Variants in RAPGEF1 observed in about 807,000 individuals in gnomAD.
The protein encoded by RAPGEF1 is CRK SH3-binding GNRP.
In RAPGEF1, 33 loss-of-function variants were observed where a neutral mutation model predicts 143.3. That is an observed-to-expected ratio of 0.23 (90% confidence interval 0.17 to 0.31). RAPGEF1 has a LOEUF of 0.31. Among genes scored for constraint, RAPGEF1 ranks in the 10% least tolerant of loss-of-function variants. The pLI is 1.00. For synonymous variants in RAPGEF1, 629 were observed against 676.5 expected, an observed-to-expected ratio of 0.93 and a Z score of 1.09; for missense variants, 1,199 against 1,645.4, an observed-to-expected ratio of 0.73 and a Z score of 4.69.
At chr9:131,647,964 T>C (rs1290757235) in intron 3 of RAPGEF1, among the ~76,000 whole-genome samples, 1 of 152,202 alleles carries the variant, frequency 6.6e-6, no homozygotes, top group African/African-American at 2.4e-5. Flanking sequence ...CTGCTTTGCC[T>C]TCCTATGGCA....
intron 1 of RAPGEF1, among the ~76,000 whole-genome samples, chr9:131,726,743 G>C (rs1836699551): frequency 6.6e-6 from 1 of 151,764 alleles, no homozygotes. Flanking sequence ...CCTGTATTCT[G>C]AATGTGGTAG....
chr9:131,697,581 C>A (rs909889497), intron 1 of RAPGEF1, among the ~76,000 whole-genome samples: 51 of 152,332 alleles, frequency 3.3e-4, no homozygotes, highest in African/African-American at 1.2e-3. Flanking sequence ...TGCAACAGAA[C>A]AGAACTGAGC....
chr9:131,592,311 G>A, intron 17 of RAPGEF1, 128 bp from the exon 18 acceptor site: 1 of 687,068 alleles, frequency 1.5e-6, no homozygotes, highest in South Asian at 1.8e-5. Flanking sequence ...GATGGGCGAG[G>A]GAGCCGAGGG....
chr9:131,739,701 G>T, intron 1 of RAPGEF1, 69 bp downstream of exon 1: 1 of 1,007,788 alleles, frequency 9.9e-7, no homozygotes, highest in South Asian at 4.4e-5. Flanking sequence ...ACCCGCGCTC[G>T]GCCCGGGGAG....
At chr9:131,670,614 C>T (rs1186247117) in intron 1 of RAPGEF1, among the ~76,000 whole-genome samples, 1 of 152,206 alleles carries the variant, frequency 6.6e-6, no homozygotes, top group Non-Finnish European at 1.5e-5. Context: ...CATCAAAGAC[C>T]TCCCGGCTGT....
chr9:131,592,021 G>A (rs377760500), intron 18 of RAPGEF1, 78 bp downstream of exon 18: 3 of 1,136,508 alleles, frequency 2.6e-6, no homozygotes, highest in African/African-American at 3.1e-5. Flanking sequence ...TCCCCCACGA[G>A]GACTGAAGGG....
At chr9:131,613,222 G>C (rs965894927) in intron 12 of RAPGEF1, among the ~76,000 whole-genome samples, 1 of 150,918 alleles carries the variant, frequency 6.6e-6, no homozygotes, top group African/African-American at 2.4e-5. Flanking sequence ...GGTGTGCTCA[G>C]GTTCATACAG....
chr9:131,605,465 A>G (rs535722314), intron 12 of RAPGEF1, among the ~76,000 whole-genome samples: 1 of 152,176 alleles, frequency 6.6e-6, no homozygotes, highest in African/African-American at 2.4e-5. Flanking sequence ...AAGTGGCCAC[A>G]TGCTCTGCTG....
At chr9:131,694,673 A>G (rs1332231230) in intron 1 of RAPGEF1, among the ~76,000 whole-genome samples, 3 of 151,568 alleles carry the variant, frequency 2.0e-5, no homozygotes, top group African/African-American at 7.3e-5. Context: ...CTGGACGCAG[A>G]TATCACCTTT....
rs1952338826 is a variant in RAPGEF1 at position 131,584,221 on chromosome 9, T to C, written c.3414+90A>G. ...GGCCTAGGCCCAGCATTTGCTCCAG[T>C]GGGAGCACTTTCTGCCACAGCTAGT... On this transcript the variant is annotated intron_variant, in intron 24 of 26. Coordinates refer to ENST00000683357, the MANE Select transcript of RAPGEF1 (RefSeq NM_001377935.1). This position sits in a 1 kb window ranked among gnomAD's most constrained non-coding sequence, Gnocchi z 6.8. The C allele has an allele frequency of 4.9e-6, 6 of 1,227,298 alleles. No individual in the cohort carries two copies. The highest frequency in any genetic ancestry group is 2.5e-5 in the East Asian group (1 of 39,420). 76.0% of individuals were successfully genotyped at this position (1,227,298 alleles called of 1,614,324 possible).
chr9:131,653,071 C>T (rs560118844), intron 1 of RAPGEF1, among the ~76,000 whole-genome samples: 2 of 152,308 alleles, frequency 1.3e-5, no homozygotes, highest in East Asian at 3.9e-4. Context: ...TGTCGTTATG[C>T]AGAGCATGAC....
At chr9:131,582,031 C>T (rs879401176) in intron 25 of RAPGEF1, among the ~76,000 whole-genome samples, 2 of 152,192 alleles carry the variant, frequency 1.3e-5, no homozygotes, top group Non-Finnish European at 2.9e-5. Context: ...TAAAGGCTCT[C>T]GTAAGTCCTG....
rs1403006159 is a variant in RAPGEF1 at position 131,739,771 on chromosome 9, T to G, written c.60A>C (p.Ala20=). ...SPEMSGKIEK[A]DSQRSHLSSF... ...AGCCGCCCCACGCCCGCGCCTCACC[T>G]GCTTTCTCGATCTTGCCGGACATTT... The change falls in exon 1 of 27, where the codon GCA becomes GCC. Residue 20 remains alanine (A), a splice_region_variant and synonymous_variant. Transcript: ENST00000683357. The G allele has an allele frequency of 1.2e-5, 14 of 1,172,804 alleles. No individual in the cohort carries two copies. The highest frequency in any genetic ancestry group is 1.5e-5 in the Non-Finnish European group (14 of 931,576). 72.6% of individuals were successfully genotyped at this position (1,172,804 alleles called of 1,614,324 possible). A position where few individuals can be genotyped will look rare whatever the true frequency, so the allele number is the denominator to read the frequency against.
rs192931236 is a variant in RAPGEF1, at chr9:131,589,085, G to A, written c.2868-99C>T. On this transcript the variant is annotated intron_variant, in intron 19 of 26. Transcript: ENST00000683357. ...ACACAAAGGGCACGGGGCTGTGACC[G>A]GCACAGAGCTGGCTGGGAAATTTCT... is the stretch of plus-strand genomic sequence containing the variant. 6.9e-4 allele frequency: 809 copies of A among 1,167,424 alleles called. 3 individuals are homozygous for A. The highest frequency in any genetic ancestry group is 8.2e-4 in the Non-Finnish European group (679 of 828,008). The allele number at this position is 1,167,424 out of a possible 1,614,324, so 72.3% of individuals were successfully genotyped here.
At chr9:131,711,617 C>A (rs2131215247) in intron 1 of RAPGEF1, among the ~76,000 whole-genome samples, 1 of 152,352 alleles carries the variant, frequency 6.6e-6, no homozygotes, top group South Asian at 2.1e-4. Context: ...CTCGGCCTCC[C>A]AAAGTGCTGG....
At chr9:131,672,965 G>A (rs558170452) in intron 1 of RAPGEF1, among the ~76,000 whole-genome samples, 2 of 152,314 alleles carry the variant, frequency 1.3e-5, no homozygotes, top group Admixed American at 1.3e-4. Context: ...TGGAGTGACA[G>A]ACATAAGAAC....
At chr9:131,611,901 A>C (rs188430955) in intron 12 of RAPGEF1, among the ~76,000 whole-genome samples, 64 of 152,294 alleles carry the variant, frequency 4.2e-4, no homozygotes, top group Middle Eastern at 3.4e-3. Context: ...CAAAAATGTT[A>C]ATCTAACGCT....
At chr9:131,652,345 G>A (rs1971280884) in intron 1 of RAPGEF1, among the ~76,000 whole-genome samples, 1 of 151,958 alleles carries the variant, frequency 6.6e-6, no homozygotes, top group Non-Finnish European at 1.5e-5. Flanking sequence ...GGAATTCCTG[G>A]GCTCAGACAT....
At position 131,584,363 on chromosome 9, in the gene RAPGEF1, G is replaced by C; in HGVS notation, c.3362C>G (p.Ala1121Gly). Residue 1121 changes from alanine to glycine, a missense_variant, in exon 24 of 27, where the codon GCC becomes GGC. Physicochemically the swap from Ala to Gly is moderately conservative, Grantham distance 60. Around this residue, in one of 6 missense-constraint regions of RAPGEF1, gnomAD observed 209 missense variants for 403.0 expected, o/e 0.52. Coordinates refer to ENST00000683357, the MANE Select transcript of RAPGEF1 (RefSeq NM_001377935.1). The surrounding 1 kb of genome is among the most constrained non-coding windows in gnomAD (Gnocchi z 6.8). ...NFNSYLAILSALDSAPIRRLE... is the reference protein window; with the variant it reads ...NFNSYLAILSGLDSAPIRRLE... ...CCTGCGGATGGGCGCCGAGTCCAGG[G>C]CAGAGAGGATGGCCAAGTAGGAGTT... 6.2e-7 allele frequency: 1 copy of C among 1,613,842 alleles called. No individual in the cohort carries two copies. The highest frequency in any genetic ancestry group is 8.5e-7 in the Non-Finnish European group (1 of 1,179,804).
Sources: allele counts gnomAD v4.1 joint callset (sites outside exome capture counted in the v4.1 genomes callset), GRCh38; gene constraint gnomAD v4.1.1; regional missense constraint gnomAD v4.1.1; non-coding constraint Gnocchi (gnomAD v3.1); transcripts MANE v1.5; gene names NCBI Gene and HGNC (gene_info 2026-07-23, HGNC 2026-07-21).